CDH12: variants seen among roughly 807,000 people sequenced by gnomAD.
CDH12 encodes cadherin-12.
A neutral mutation model predicts 74.1 loss-of-function variants in CDH12; 41 were observed. The observed-to-expected ratio is 0.55, with a 90% CI of 0.43 to 0.72. The LOEUF is 0.72. Among genes scored for constraint, CDH12 ranks in the 30% least tolerant of loss-of-function variants. The pLI, the probability that CDH12 is intolerant of heterozygous loss-of-function variation, is 0.00. For missense variants in CDH12, 945 were observed against 977.2 expected (o/e 0.97, Z 0.44); for synonymous variants, 399 against 355.0 (o/e 1.12, Z -1.39).
intron 4 of CDH12, among the ~76,000 whole-genome samples, chr5:22,170,397 A>T (rs1748949888): frequency 6.6e-6 from 1 of 151,800 alleles, no homozygotes; most frequent in African/African-American, 2.4e-5. Context: ...TTTTAAGGCA[A>T]TTGTACTTCT....
intron 4 of CDH12, among the ~76,000 whole-genome samples, chr5:22,082,997 T>C (rs957497814): frequency 1.3e-4 from 20 of 152,236 alleles, no homozygotes; most frequent in African/African-American, 4.8e-4. Flanking sequence ...TATTTAGCAA[T>C]AGTTTATTTT....
At chr5:22,593,907 A>C (rs1012556538) in intron 1 of CDH12, among the ~76,000 whole-genome samples, 3 of 152,198 alleles carry the variant, frequency 2.0e-5, no homozygotes, top group African/African-American at 7.2e-5. Flanking sequence ...ATAAATATAA[A>C]ATGTCTATTA....
chr5:22,666,282 CTTT>C (rs1161509257), intron 1 of CDH12, among the ~76,000 whole-genome samples: 1 of 83,536 alleles, frequency 1.2e-5, no homozygotes, highest in African/African-American at 4.7e-5. Context: ...ATCTCTCTAT[CTTT>C]TTTTTTTTTT....
intron 2 of CDH12, among the ~76,000 whole-genome samples, chr5:22,504,662 C>T: frequency 6.6e-6 from 1 of 151,996 alleles, no homozygotes. Flanking sequence ...TGAAGGTTAA[C>T]TGTAACTGTC....
intron 3 of CDH12, among the ~76,000 whole-genome samples, chr5:22,402,639 T>C (rs1002498428): frequency 6.6e-5 from 10 of 152,154 alleles, no homozygotes; most frequent in African/African-American, 2.4e-4. Context: ...CAGCACTTGA[T>C]GATGTGGAAG....
chr5:21,915,416 G>T (rs1428262513), intron 6 of CDH12, among the ~76,000 whole-genome samples: 1 of 152,060 alleles, frequency 6.6e-6, no homozygotes, highest in African/African-American at 2.4e-5. Flanking sequence ...ATAAATATAA[G>T]AATTTAAAAA....
rs553023710 is a variant in CDH12, at chr5:22,105,812, A to G, written c.-186-26950T>C. 4.6e-5 allele frequency among the ~76,000 whole-genome samples: 7 copies of G among 152,310 alleles called. No individual in the cohort carries two copies. In the East Asian group the frequency reaches 1.4e-3, roughly 29 times the overall value. Reference sequence around the variant, plus strand: ...ACCTCAGTTTGACTTGATTGCCTCTACAAAGACCCTATTTTTAAAAATAAA... The same window carrying G: ...ACCTCAGTTTGACTTGATTGCCTCTGCAAAGACCCTATTTTTAAAAATAAA... On this transcript the variant is annotated intron_variant, in intron 4 of 14. Transcript: ENST00000382254.
intron 4 of CDH12, among the ~76,000 whole-genome samples, chr5:22,191,831 TG>T (rs1408090179): frequency 6.6e-6 from 1 of 152,234 alleles, no homozygotes; most frequent in South Asian, 2.1e-4. Context: ...CCCAAAGTGC[TG>T]GGATTACAGG....
intron 1 of CDH12, among the ~76,000 whole-genome samples, chr5:22,769,856 A>C (rs1215951667): frequency 6.6e-6 from 1 of 152,116 alleles, no homozygotes; most frequent in Non-Finnish European, 1.5e-5. Flanking sequence ...AGCACCCAGT[A>C]ATCTGTACAC....
intron 6 of CDH12, among the ~76,000 whole-genome samples, chr5:21,902,205 T>C (rs1281632623): frequency 6.6e-6 from 1 of 151,824 alleles, no homozygotes; most frequent in Non-Finnish European, 1.5e-5. Flanking sequence ...AAAGGTAAAT[T>C]GTTACTAGTA....
At position 21,946,869 on chromosome 5, in the gene CDH12, C is replaced by A. The variant is rs191631613; in HGVS notation, c.526+28222G>T. Among the ~76,000 whole-genome samples the A allele has an allele frequency of 2.6e-5, 4 of 152,302 alleles. No individual in the cohort carries two copies. In the East Asian group the frequency reaches 7.7e-4, roughly 29 times the overall value. On this transcript the variant is annotated intron_variant, in intron 6 of 14. Transcript: ENST00000382254. Reference sequence around the variant, plus strand: ...TACTGATATTGTTTGGCTGTGGCCCCACCCAAATCTCATCTTGAATTGTAA... The same window carrying A: ...TACTGATATTGTTTGGCTGTGGCCCAACCCAAATCTCATCTTGAATTGTAA...
At chr5:22,121,451 A>C (rs1290211370) in intron 4 of CDH12, among the ~76,000 whole-genome samples, 1 of 152,204 alleles carries the variant, frequency 6.6e-6, no homozygotes. Flanking sequence ...TAACAAAGAC[A>C]TGCAGTTCAT....
intron 6 of CDH12, among the ~76,000 whole-genome samples, chr5:21,962,433 C>T (rs1018630999): frequency 3.3e-5 from 5 of 152,114 alleles, no homozygotes; most frequent in African/African-American, 1.2e-4. Flanking sequence ...CTGAAAATTT[C>T]CTTTTTTGTT....
At chr5:22,045,160 A>T (rs541408065) in intron 5 of CDH12, among the ~76,000 whole-genome samples, 1 of 152,324 alleles carries the variant, frequency 6.6e-6, no homozygotes, top group South Asian at 2.1e-4. Flanking sequence ...TTAAAAGAAG[A>T]CATATAAATG....
At position 22,431,031 on chromosome 5, in the gene CDH12, A is replaced by C. The variant is rs112883312; in HGVS notation, c.-427-25680T>G. Among the ~76,000 whole-genome samples, 576 of 152,288 alleles carry C rather than the reference A, an allele frequency of 3.8e-3. 7 individuals carry two copies. Among genetic ancestry groups the C allele is most frequent in the African/African-American group, 0.013 (547 of 41,564 alleles). On this transcript the variant is annotated intron_variant, in intron 2 of 14. Transcript: ENST00000382254. Reference sequence around the variant, plus strand: ...AAGGTTACTATGCTTATATTCCTGCAGTAGCCTTAAAAGCATGGTTAATTT... The same window carrying C: ...AAGGTTACTATGCTTATATTCCTGCCGTAGCCTTAAAAGCATGGTTAATTT...
chr5:22,579,620 T>A (rs1302662315), intron 1 of CDH12, among the ~76,000 whole-genome samples: 1 of 152,158 alleles, frequency 6.6e-6, no homozygotes, highest in Non-Finnish European at 1.5e-5. Flanking sequence ...AATTTTCTTT[T>A]CTTTTCTTTT....
chr5:22,801,645 A>G (rs1426521512), intron 1 of CDH12, among the ~76,000 whole-genome samples: 6 of 40,054 alleles, frequency 1.5e-4, no homozygotes, highest in Admixed American at 5.1e-4. Context: ...TCATATATAT[A>G]TATATATATA....
At chr5:22,507,182 G>C (rs543592270) in intron 1 of CDH12, among the ~76,000 whole-genome samples, 61 of 152,068 alleles carry the variant, frequency 4.0e-4, no homozygotes, top group Non-Finnish European at 7.4e-4. Flanking sequence ...TTCACCAAAT[G>C]CCATAGACTG....
chr5:21,937,919 A>G (rs1755148447), intron 6 of CDH12, among the ~76,000 whole-genome samples: 2 of 152,216 alleles, frequency 1.3e-5, no homozygotes, highest in Non-Finnish European at 2.9e-5. Context: ...AGTCTTGAAG[A>G]CAATTGTCTT....
Sources: gnomAD v4.1 joint callset for allele counts (sites outside exome capture counted in the v4.1 genomes callset) on GRCh38, gnomAD v4.1.1 for gene constraint, MANE v1.5 for transcripts, NCBI Gene and HGNC (gene_info 2026-07-23, HGNC 2026-07-21) for gene names.